ADGRG5: variants seen among roughly 807,000 people sequenced by gnomAD.
ADGRG5 encodes the protein adhesion G protein-coupled receptor G5.
Under a neutral mutation model 53.2 loss-of-function variants are expected in ADGRG5, and 37 were observed. The observed-to-expected ratio is 0.70, with a 90% CI of 0.53 to 0.91. The LOEUF (loss-of-function observed/expected upper bound fraction) is 0.91, where lower values mean the gene tolerates loss of function less well. ADGRG5 is among the 40% of genes least tolerant of loss of function. ADGRG5 has a pLI of 0.00. For synonymous variants in ADGRG5, 277 were observed against 290.4 expected (o/e 0.95, Z 0.47); for missense variants, 614 against 675.8 (o/e 0.91, Z 1.01).
chr16:57,570,871 C>G (rs1279070128), intron 10 of ADGRG5, among the ~76,000 whole-genome samples: 1 of 152,180 alleles, frequency 6.6e-6, no homozygotes, highest in South Asian at 2.1e-4. Context: ...GCACTTGACT[C>G]TGTTCCCCTG....
intron 1 of ADGRG5, among the ~76,000 whole-genome samples, chr16:57,550,104 G>T (rs2032712527): frequency 6.6e-6 from 1 of 152,098 alleles, no homozygotes; most frequent in South Asian, 2.1e-4. Flanking sequence ...AGACTCTTGA[G>T]CAGCTAGGAT....
chr16:57,554,583 A>C (rs776427587), intron 1 of ADGRG5, among the ~76,000 whole-genome samples: 2 of 152,014 alleles, frequency 1.3e-5, no homozygotes, highest in Admixed American at 1.3e-4. Flanking sequence ...TCACCGTGTT[A>C]GCCAGGATGG....
At chr16:57,540,646 G>T (rs1352910108), upstream of ADGRG5, among the ~76,000 whole-genome samples, 1 of 152,198 alleles carries the variant, frequency 6.6e-6, no homozygotes, top group Non-Finnish European at 1.5e-5. Context: ...GAGCTGGAGG[G>T]CTTCCCAGGT....
At chr16:57,562,929 G>A (rs2033037841) in intron 3 of ADGRG5, among the ~76,000 whole-genome samples, 162 bp from the exon 4 acceptor site, 1 of 152,154 alleles carries the variant, frequency 6.6e-6, no homozygotes, top group African/African-American at 2.4e-5. Flanking sequence ...ATGGGGTAGG[G>A]AGGTAACAGT....
chr16:57,567,964 C>T lies in ADGRG5; in HGVS notation c.930C>T (p.Pro310=), dbSNP rs757865482. 2.4e-5 allele frequency: 39 copies of T among 1,613,888 alleles called. No individual in the cohort carries two copies. Among genetic ancestry groups the T allele is most frequent in the African/African-American group, 5.3e-5 (4 of 74,884 alleles). ...CCGCATTCGCAATGTCTCCTGTGCC[C>T]GGGTCAGCATGCACGGCTCTGGCCG... ...LSPAFAMSPV[P]GSACTALAAA... The change falls in exon 9 of 12, where the codon CCC becomes CCT. Residue 310 remains proline, a synonymous_variant. Transcript: ENST00000349457.
chr16:57,548,260 G>A (rs2032666736), intron 1 of ADGRG5, among the ~76,000 whole-genome samples: 1 of 150,118 alleles, frequency 6.7e-6, no homozygotes. Context: ...TTAATTTTGA[G>A]AAAATTATAA....
chr16:57,538,615 C>T (rs1351118768), upstream of ADGRG5, among the ~76,000 whole-genome samples: 3 of 152,114 alleles, frequency 2.0e-5, no homozygotes, highest in African/African-American at 4.8e-5. Flanking sequence ...AGAACAACAC[C>T]CCCAGGCGCC....
rs1322820529 is a variant in ADGRG5, at chr16:57,568,131, A to C, written c.1090+7A>C. 1 of 1,613,202 alleles carries C rather than the reference A, an allele frequency of 6.2e-7. No homozygotes were observed. The highest frequency in any genetic ancestry group is 2.2e-5 in the East Asian group (1 of 44,864). ...CTTGGTGTGCTAGGCTGGGGTAAGC[A>C]CATCATCTCTCCTCGCCTCCTCAGA... On this transcript the variant is annotated splice_region_variant and intron_variant, in intron 9 of 11. Coordinates refer to ENST00000349457, the MANE Select transcript of ADGRG5 (RefSeq NM_001304376.3).
At chr16:57,556,370 T>A (rs1163969430) in intron 1 of ADGRG5, among the ~76,000 whole-genome samples, 1 of 152,236 alleles carries the variant, frequency 6.6e-6, no homozygotes, top group African/African-American at 2.4e-5. Flanking sequence ...GTATTCCATC[T>A]GTTCTTTGTT....
chr16:57,563,076 C>T lies in ADGRG5; in HGVS notation c.141-15C>T, dbSNP rs764766915. ...TCCGGGCTCTGGCCTCCCTGGCCAT[C>T]TCTCTGGGCTGCAGTCAACTCCACC... On this transcript the variant is annotated splice_polypyrimidine_tract_variant and intron_variant, in intron 3 of 11. Transcript: ENST00000349457. The T allele has an allele frequency of 3.1e-6, 5 of 1,613,960 alleles. No homozygotes were observed. The highest frequency in any genetic ancestry group is 4.2e-6 in the Non-Finnish European group (5 of 1,180,008).
chr16:57,568,530 C>T (rs2033214762), intron 9 of ADGRG5, among the ~76,000 whole-genome samples: 1 of 151,546 alleles, frequency 6.6e-6, no homozygotes, highest in African/African-American at 2.4e-5. Context: ...CCTCCACGTA[C>T]ATCACCACCT....
At chr16:57,530,212 C>T in the ADGRG5 span, among the ~76,000 whole-genome samples, 1 of 152,158 alleles carries the variant, frequency 6.6e-6, no homozygotes, top group Non-Finnish European at 1.5e-5. Context: ...CCGCAAACAG[C>T]TCTCTTGTTC....
At chr16:57,571,649 TTTTTTTC>T (rs2033361266) in intron 10 of ADGRG5, among the ~76,000 whole-genome samples, 1 of 134,326 alleles carries the variant, frequency 7.4e-6, no homozygotes, top group African/African-American at 2.8e-5. Context: ...TGTATTTTCT[TTTTTTTC>T]TTTTTTTTTT....
upstream of ADGRG5, among the ~76,000 whole-genome samples, chr16:57,541,394 G>A (rs1030868545): frequency 1.3e-5 from 2 of 152,188 alleles, no homozygotes; most frequent in Non-Finnish European, 2.9e-5. Flanking sequence ...AAAGAAAACC[G>A]AAGCGCAAAG....
intron 1 of ADGRG5, among the ~76,000 whole-genome samples, chr16:57,561,526 TCTGTGG>T (rs2033000097): frequency 6.6e-6 from 1 of 152,224 alleles, no homozygotes; most frequent in African/African-American, 2.4e-5. Flanking sequence ...TTCCCATTGT[TCTGTGG>T]CTTTGTGCCT....
At chr16:57,571,656 C>CTTTTTTTTTT (rs61698586) in intron 10 of ADGRG5, among the ~76,000 whole-genome samples, 1 of 134,018 alleles carries the variant, frequency 7.5e-6, no homozygotes, top group Non-Finnish European at 1.6e-5. Flanking sequence ...TCTTTTTTTT[C>CTTTTTTTTTT]TTTTTTTTTT....
chr16:57,545,086 C>A (rs2032585265), intron 1 of ADGRG5, among the ~76,000 whole-genome samples: 1 of 152,144 alleles, frequency 6.6e-6, no homozygotes, highest in Non-Finnish European at 1.5e-5. Flanking sequence ...TCCCCCAAAT[C>A]TTGTCCCTTG....
intron 11 of ADGRG5, 29 bp from the exon 12 acceptor site, chr16:57,575,409 C>G (rs763559612): frequency 2.3e-5 from 37 of 1,603,454 alleles, no homozygotes; most frequent in Middle Eastern, 1.7e-4. Flanking sequence ...CCCATGCTGC[C>G]CCGTGGAACT....
chr16:57,563,878 G>T lies in ADGRG5; in HGVS notation c.328G>T (p.Ala110Ser), dbSNP rs1431764403. The change falls in exon 5 of 12, where the codon GCC becomes TCC. Residue 110 changes from alanine (A) to serine (S), a missense_variant. Coordinates refer to ENST00000349457, the MANE Select transcript of ADGRG5 (RefSeq NM_001304376.3). ...AGGTCAGCATGCCCGGGGTCAGCAC[G>T]CCATGCAGTTCCCCGCCGAGCTGAC... is the stretch of plus-strand genomic sequence containing the variant. ...AGGQHARGQH[A>S]MQFPAELTRD... The T allele has an allele frequency of 6.2e-7, 1 of 1,613,868 alleles. No homozygotes were observed. The highest frequency in any genetic ancestry group is 1.3e-5 in the African/African-American group (1 of 74,912).
Sources: gnomAD v4.1 joint callset for allele counts (sites outside exome capture counted in the v4.1 genomes callset) on GRCh38, gnomAD v4.1.1 for gene constraint, MANE v1.5 for transcripts, NCBI Gene and HGNC (gene_info 2026-07-23, HGNC 2026-07-21) for gene names.